The following DCP1A variants were observed in gnomAD, a reference collection of about 807,000 sequenced individuals.
DCP1A encodes the protein decapping mRNA 1A, also known as mRNA-decapping enzyme 1A.
Under a neutral mutation model 58.0 loss-of-function variants are expected in DCP1A, and 20 were observed. That is an observed-to-expected ratio of 0.34 (90% CI 0.24 to 0.50). DCP1A has a LOEUF of 0.50. Among genes scored for constraint, DCP1A ranks in the 20% least tolerant of loss-of-function variants. The probability of loss-of-function intolerance (pLI) is 0.98; values close to 1 mark genes in which losing one functional copy is unlikely to be tolerated. For missense variants in DCP1A, 613 were observed against 712.2 expected, an observed-to-expected ratio of 0.86 and a Z score of 1.59; for synonymous variants, 285 against 275.1, an observed-to-expected ratio of 1.04 and a Z score of -0.36.
chr3:53,312,143 C>T (rs575892729), intron 5 of DCP1A, 98 bp downstream of exon 5: 2 of 1,352,042 alleles, frequency 1.5e-6, no homozygotes, highest in Admixed American at 5.0e-5. Context: ...TTCTGCCGTC[C>T]CTGGAGGCCA....
intron 8 of DCP1A, 174 bp from the exon 9 acceptor site, chr3:53,288,457 T>C (rs1474595205): frequency 8.3e-6 from 5 of 601,014 alleles, no homozygotes; most frequent in African/African-American, 7.4e-5. Context: ...CATCTGGTTA[T>C]AAACTTCCAT....
At chr3:53,340,865 T>G (rs180870938) in intron 3 of DCP1A, among the ~76,000 whole-genome samples, 1 of 152,282 alleles carries the variant, frequency 6.6e-6, no homozygotes, top group East Asian at 1.9e-4. Context: ...TAAAAATGCC[T>G]GAAAGAACCC....
At chr3:53,338,476 G>C (rs1464163117) in intron 3 of DCP1A, among the ~76,000 whole-genome samples, 2 of 152,008 alleles carry the variant, frequency 1.3e-5, no homozygotes, top group Non-Finnish European at 2.9e-5. Flanking sequence ...GAATCACCAA[G>C]CCTAAGCCCT....
chr3:53,347,481 G>A lies in DCP1A; in HGVS notation c.37C>T (p.Leu13=), dbSNP rs535560667. The A allele has an allele frequency of 5.0e-6, 8 of 1,613,486 alleles. No individual in the cohort carries two copies. The highest frequency in any genetic ancestry group is 2.2e-5 in the East Asian group (1 of 44,756). ...ALSRAGQEMS[L]AALKQHDPYI... ...GGGTCGTGTTGCTTCAGGGCCGCTA[G>A]GCTCATCTCCTGCCCAGCTCGACTC... is the stretch of plus-strand genomic sequence containing the variant. The change falls in exon 1 of 10, where the codon CTA becomes TTA. Residue 13 remains leucine, a synonymous_variant. Coordinates refer to ENST00000610213, the MANE Select transcript of DCP1A (RefSeq NM_018403.7).
At chr3:53,338,395 C>A (rs1486109809) in intron 3 of DCP1A, among the ~76,000 whole-genome samples, 4 of 152,038 alleles carry the variant, frequency 2.6e-5, no homozygotes, top group South Asian at 2.1e-4. Context: ...CCAGCCTGGG[C>A]AACACAGTGA....
rs782048816 is a variant in DCP1A, at chr3:53,288,242, C to T, written c.1491G>A (p.Val497=). 2.5e-6 allele frequency: 4 copies of T among 1,613,544 alleles called. No homozygotes were observed. Among genetic ancestry groups the T allele is most frequent in the Admixed American group, 3.3e-5 (2 of 59,946 alleles). ...CACTTGGGGCCAGCAGGACTGAAGA[C>T]ACTGCAGTGGTCGTTGCAGTAACCA... ...APLVTATTTA[V]SSVLLAPSVF... Residue 497 remains valine (V), a synonymous_variant, in exon 9 of 10, where the codon GTG becomes GTA. Transcript: ENST00000610213.
rs550883616 is a variant in DCP1A at position 53,345,471 on chromosome 3, C to G, written c.136-529G>C. 3.3e-5 allele frequency among the ~76,000 whole-genome samples: 5 copies of G among 152,182 alleles called. No homozygotes were observed. The East Asian group carries it at 9.6e-4, about 29-fold the overall frequency. The stretch of plus-strand genomic sequence containing the variant: ...CAAAATCAGCTTGTTATTTTTAGAA[C>G]TTGAAGAATCTTGAATACTGAAAGT... On this transcript the variant is annotated intron_variant, in intron 1 of 9. Coordinates refer to ENST00000610213, the MANE Select transcript of DCP1A (RefSeq NM_018403.7).
At chr3:53,319,850 C>A (rs146622458) in intron 3 of DCP1A, among the ~76,000 whole-genome samples, 290 of 152,214 alleles carry the variant, frequency 1.9e-3, no homozygotes, top group African/African-American at 6.7e-3. Flanking sequence ...AAAATTGTTG[C>A]CGGGCATGGT....
intron 5 of DCP1A, among the ~76,000 whole-genome samples, chr3:53,307,139 G>A (rs1707500967): frequency 6.6e-6 from 1 of 151,824 alleles, no homozygotes; most frequent in South Asian, 2.1e-4. Context: ...AGTAGAGATG[G>A]GATTTCACCA....
At chr3:53,297,032 C>G (rs1320668226) in intron 6 of DCP1A, among the ~76,000 whole-genome samples, 1 of 152,152 alleles carries the variant, frequency 6.6e-6, no homozygotes, top group Non-Finnish European at 1.5e-5. Context: ...CAGTATACAG[C>G]AGTATATGAG....
intron 2 of DCP1A, among the ~76,000 whole-genome samples, chr3:53,342,641 A>C (rs1553692671): frequency 2.0e-5 from 3 of 152,180 alleles, no homozygotes; most frequent in African/African-American, 7.2e-5. Flanking sequence ...TTCCTGGATT[A>C]CTGCCCCAGA....
At chr3:53,291,958 G>A (rs1706891675) in intron 7 of DCP1A, 111 bp downstream of exon 7, 3 of 1,199,710 alleles carry the variant, frequency 2.5e-6, no homozygotes, top group Non-Finnish European at 2.3e-6. Flanking sequence ...TACTTTAAAG[G>A]GACAACTCTA....
chr3:53,321,789 C>T (rs1553689994), intron 3 of DCP1A, among the ~76,000 whole-genome samples: 1 of 152,176 alleles, frequency 6.6e-6, no homozygotes, highest in Non-Finnish European at 1.5e-5. Context: ...CTTGTCACTA[C>T]ATTTTCATTG....
chr3:53,326,613 C>T (rs574433753), intron 3 of DCP1A, among the ~76,000 whole-genome samples: 32 of 152,244 alleles, frequency 2.1e-4, no homozygotes, highest in African/African-American at 7.2e-4. Flanking sequence ...GAGCTCCAGC[C>T]CTACTGTGAA....
intron 3 of DCP1A, chr3:53,329,325 C>T: frequency 2.5e-6 from 1 of 398,448 alleles, no homozygotes; most frequent in African/African-American, 2.1e-5. Flanking sequence ...AACCTCCCTA[C>T]TTTTTCTAGT....
Position 53,289,841 on chromosome 3 carries a change from A to AT in DCP1A, c.1449+949dup, listed in dbSNP as rs1553685721. Among the ~76,000 whole-genome samples the AT allele has an allele frequency of 2.0e-5, 3 of 152,324 alleles. No homozygotes were observed. In the East Asian group the frequency reaches 5.8e-4, roughly 29 times the overall value. On this transcript the variant is annotated intron_variant, in intron 8 of 9. Transcript: ENST00000610213. Reference sequence around the variant, plus strand: ...ACAGAGATCTGCATTTCTTTCTCTTATATGTCACCTCCTCATTTACAAAGA... The same window carrying AT: ...ACAGAGATCTGCATTTCTTTCTCTTATTATGTCACCTCCTCATTTACAAAGA...
In DCP1A at chr3:53,341,766, G is replaced by A. The variant is rs188794242; in HGVS notation, c.304+378C>T. Among the ~76,000 whole-genome samples, 1,193 of 152,012 alleles carry A rather than the reference G, an allele frequency of 7.8e-3. 8 individuals carry two copies. The highest frequency in any genetic ancestry group is 0.013 in the Non-Finnish European group (906 of 67,982). On this transcript the variant is annotated intron_variant, in intron 3 of 9. Transcript: ENST00000610213. Reference sequence around the variant, plus strand: ...GTTGCCCAGGCTGGAGTACAGTGGCGCGATCTCAGCTCACTGCAACCTCCA... The same window carrying A: ...GTTGCCCAGGCTGGAGTACAGTGGCACGATCTCAGCTCACTGCAACCTCCA...
At chr3:53,312,189 C>T in intron 5 of DCP1A, 52 bp downstream of exon 5, 2 of 1,512,592 alleles carry the variant, frequency 1.3e-6, no homozygotes, top group South Asian at 1.3e-5. Context: ...CAGACCTCCT[C>T]CTCCCGTTTT....
intron 5 of DCP1A, among the ~76,000 whole-genome samples, chr3:53,304,799 G>A (rs764506993): frequency 6.6e-6 from 1 of 151,564 alleles, no homozygotes; most frequent in Non-Finnish European, 1.5e-5. Context: ...TGGCCAGGCT[G>A]GTCTCAAACT....
Sources: allele counts gnomAD v4.1 joint callset (sites outside exome capture counted in the v4.1 genomes callset), GRCh38; gene constraint gnomAD v4.1.1; transcripts MANE v1.5; gene names NCBI Gene and HGNC (gene_info 2026-07-23, HGNC 2026-07-21).